The following SOS1 variants were observed in gnomAD, a reference collection of about 807,000 sequenced individuals.
SOS1 encodes the protein SOS Ras/Rac guanine nucleotide exchange factor 1, also known as son of sevenless homolog 1.
Under a neutral mutation model 157.6 loss-of-function variants are expected in SOS1, and 25 were observed. The ratio of observed to expected loss-of-function variants is 0.16; its 90% CI spans 0.12 to 0.22. SOS1 has a LOEUF of 0.22. SOS1 is among the 10% of genes least tolerant of loss of function. The pLI is 1.00. For missense variants in SOS1, 1,237 were observed against 1,599.1 expected, an observed-to-expected ratio of 0.77 and a Z score of 3.86; for synonymous variants, 528 against 534.0, an observed-to-expected ratio of 0.99 and a Z score of 0.16.
chr2:39,078,858 G>A (rs994401750), intron 1 of SOS1, among the ~76,000 whole-genome samples: 6 of 152,094 alleles, frequency 3.9e-5, no homozygotes, highest in East Asian at 3.9e-4. Context: ...TCAAGAGATC[G>A]AGATCATCCT....
intron 8 of SOS1, among the ~76,000 whole-genome samples, chr2:39,028,725 G>C (rs1670056614): frequency 6.6e-6 from 1 of 152,138 alleles, no homozygotes; most frequent in Non-Finnish European, 1.5e-5. Context: ...GAATGACAAA[G>C]TATACACCCA....
chr2:39,065,780 C>T (rs572421204), intron 2 of SOS1, among the ~76,000 whole-genome samples: 1 of 152,268 alleles, frequency 6.6e-6, no homozygotes, highest in Non-Finnish European at 1.5e-5. Context: ...ATTCATTCAA[C>T]TTATATTTTC....
chr2:39,061,943 A>G (rs1671418128), intron 2 of SOS1, among the ~76,000 whole-genome samples: 1 of 152,076 alleles, frequency 6.6e-6, no homozygotes, highest in African/African-American at 2.4e-5. Flanking sequence ...AATCTTGATC[A>G]ATTCCAATAT....
chr2:39,059,274 A>G (rs534644150), intron 2 of SOS1, among the ~76,000 whole-genome samples: 2 of 152,296 alleles, frequency 1.3e-5, no homozygotes, highest in East Asian at 3.9e-4. Context: ...CTATTTACAA[A>G]TCATGGAAAG....
Position 39,092,611 on chromosome 2 carries a change from T to C in SOS1, c.88-24858A>G, listed in dbSNP as rs527563222. On this transcript the variant is annotated intron_variant, in intron 1 of 22. Coordinates refer to ENST00000402219, the MANE Select transcript of SOS1 (RefSeq NM_005633.4). ...TCCTACCAGAATGTAAGAGACTTTG[T>C]CTCATCACCCGATTTCTCCTGGTAT... is the stretch of plus-strand genomic sequence containing the variant. 9.2e-5 allele frequency among the ~76,000 whole-genome samples: 14 copies of C among 152,362 alleles called. No homozygotes were observed. In the South Asian group the frequency reaches 2.5e-3, roughly 27 times the overall value.
intron 1 of SOS1, among the ~76,000 whole-genome samples, chr2:39,096,480 G>A (rs1672766068): frequency 6.6e-6 from 1 of 152,138 alleles, no homozygotes; most frequent in African/African-American, 2.4e-5. Context: ...TTACTTTGGT[G>A]TAAAATAATC....
intron 2 of SOS1, among the ~76,000 whole-genome samples, chr2:39,063,555 T>C (rs975955777): frequency 5.3e-5 from 8 of 152,336 alleles, no homozygotes; most frequent in African/African-American, 1.9e-4. Context: ...GCTACATCAA[T>C]AAAACAAAAT....
intron 1 of SOS1, among the ~76,000 whole-genome samples, chr2:39,072,268 G>A (rs1301828324): frequency 6.6e-6 from 1 of 152,118 alleles, no homozygotes; most frequent in East Asian, 1.9e-4. Context: ...ACTGGGCAGG[G>A]CTTTATGTAC....
chr2:39,065,698 G>A (rs1333959823), intron 2 of SOS1, among the ~76,000 whole-genome samples: 2 of 152,166 alleles, frequency 1.3e-5, no homozygotes, highest in South Asian at 2.1e-4. Flanking sequence ...TAGACTTTCT[G>A]GTTAAAAGTC....
At chr2:39,055,496 T>C (rs942220811) in intron 4 of SOS1, among the ~76,000 whole-genome samples, 2 of 152,314 alleles carry the variant, frequency 1.3e-5, no homozygotes, top group African/African-American at 2.4e-5. Context: ...AATATTTTAT[T>C]TATCTGATTC....
intron 8 of SOS1, among the ~76,000 whole-genome samples, chr2:39,030,721 T>A (rs931180942): frequency 6.6e-6 from 1 of 152,164 alleles, no homozygotes; most frequent in Non-Finnish European, 1.5e-5. Flanking sequence ...CCATGAAAGA[T>A]GTATTCAAGT....
intron 1 of SOS1, among the ~76,000 whole-genome samples, chr2:39,108,141 A>C (rs1022113526): frequency 6.6e-6 from 1 of 151,840 alleles, no homozygotes; most frequent in Non-Finnish European, 1.5e-5. Flanking sequence ...CAATTCAATC[A>C]CCAATCTGCC....
intron 5 of SOS1, among the ~76,000 whole-genome samples, chr2:39,052,765 G>C (rs1233067214): frequency 1.3e-5 from 2 of 152,170 alleles, no homozygotes; most frequent in Non-Finnish European, 2.9e-5. Context: ...TCATGAACCA[G>C]TTTTTGCATG....
chr2:38,996,161 C>G (rs979148205), intron 19 of SOS1, among the ~76,000 whole-genome samples: 1 of 152,068 alleles, frequency 6.6e-6, no homozygotes, highest in Non-Finnish European at 1.5e-5. Flanking sequence ...ACGATCTTGG[C>G]TCACTGTAAC....
At chr2:39,100,304 G>C (rs566489928) in intron 1 of SOS1, among the ~76,000 whole-genome samples, 20 of 152,264 alleles carry the variant, frequency 1.3e-4, no homozygotes, top group Admixed American at 3.9e-4. Flanking sequence ...TGACCTAGCT[G>C]GGTATGTACT....
chr2:39,019,621 A>G (rs1293062808), intron 10 of SOS1, among the ~76,000 whole-genome samples: 1 of 151,700 alleles, frequency 6.6e-6, no homozygotes, highest in Non-Finnish European at 1.5e-5. Context: ...CCCTGTTGCA[A>G]TCTTTTAAGC....
At chr2:38,987,961 AT>A (rs1411467470) in intron 21 of SOS1, among the ~76,000 whole-genome samples, 2 of 152,034 alleles carry the variant, frequency 1.3e-5, no homozygotes, top group East Asian at 1.9e-4. Flanking sequence ...TAATGGGTTC[AT>A]TTTTTTCTTT....
intron 1 of SOS1, among the ~76,000 whole-genome samples, chr2:39,089,269 A>C (rs1381702218): frequency 2.0e-5 from 3 of 152,214 alleles, no homozygotes; most frequent in African/African-American, 4.8e-5. Flanking sequence ...CATACCTGTA[A>C]TCTCAGCACT....
intron 1 of SOS1, among the ~76,000 whole-genome samples, chr2:39,091,224 G>T (rs554730177): frequency 9.9e-5 from 15 of 152,246 alleles, no homozygotes; most frequent in Admixed American, 8.5e-4. Flanking sequence ...CTGGTCTGAG[G>T]AATGTCCTTT....
Sources: allele counts gnomAD v4.1 joint callset (sites outside exome capture counted in the v4.1 genomes callset), GRCh38; gene constraint gnomAD v4.1.1; transcripts MANE v1.5; gene names NCBI Gene and HGNC (gene_info 2026-07-23, HGNC 2026-07-21).